SIL1: variants seen among roughly 807,000 people sequenced by gnomAD.
SIL1 encodes nucleotide exchange factor SIL1.
A neutral mutation model predicts 49.1 loss-of-function variants in SIL1; 40 were observed. The ratio of observed to expected loss-of-function variants is 0.81; its 90% CI spans 0.63 to 1.06. The LOEUF (loss-of-function observed/expected upper bound fraction) is 1.06, where lower values mean the gene tolerates loss of function less well. SIL1 is among the 50% of genes least tolerant of loss of function. The pLI is 0.00. For missense variants in SIL1, 500 were observed against 572.6 expected, an observed-to-expected ratio of 0.87 and a Z score of 1.29; for synonymous variants, 253 against 250.8, an observed-to-expected ratio of 1.01 and a Z score of -0.08.
At chr5:139,052,070 T>C (rs1266127290) in intron 3 of SIL1, among the ~76,000 whole-genome samples, 1 of 152,202 alleles carries the variant, frequency 6.6e-6, no homozygotes. Context: ...CCCAAATCAA[T>C]GACTTTCAGA....
At chr5:139,007,177 T>A (rs78553161) in intron 7 of SIL1, among the ~76,000 whole-genome samples, 53,009 of 136,486 alleles carry the variant, frequency 0.39, 10,510 homozygotes, top group African/African-American at 0.56. Flanking sequence ...GTCCTTCACA[T>A]CCCTTGTAAG....
chr5:139,011,275 AC>A (rs1270625380), intron 7 of SIL1, among the ~76,000 whole-genome samples: 3 of 150,584 alleles, frequency 2.0e-5, no homozygotes, highest in African/African-American at 7.4e-5. Flanking sequence ...GAACTCCCTG[AC>A]CCCTTGCGCT....
intron 7 of SIL1, among the ~76,000 whole-genome samples, chr5:139,002,956 A>G (rs893996100): frequency 1.3e-5 from 2 of 152,072 alleles, no homozygotes; most frequent in Non-Finnish European, 2.9e-5. Context: ...CTTCGGGAAG[A>G]GATTAAGAGC....
At chr5:139,036,386 C>T (rs550356322) in intron 5 of SIL1, among the ~76,000 whole-genome samples, 1 of 152,266 alleles carries the variant, frequency 6.6e-6, no homozygotes, top group African/African-American at 2.4e-5. Context: ...ATCCCAGCAA[C>T]ATTTATTGAA....
rs141707274 is a variant in SIL1, at chr5:139,179,655, G to A, written c.-11+18614C>T. ...ATAGTGACAGGTACTTTATAGACAG[G>A]GCTATTAATAAAAAACAAATGGGAA... On this transcript the variant is annotated intron_variant, in intron 1 of 9. Transcript: ENST00000394817. Among the ~76,000 whole-genome samples, 466 of 152,140 alleles carry A rather than the reference G, an allele frequency of 3.1e-3. 1 individual carries two copies. The highest frequency in any genetic ancestry group is 0.011 in the African/African-American group (446 of 41,492).
chr5:138,961,196 C>T (rs1303027340), intron 7 of SIL1, among the ~76,000 whole-genome samples: 2 of 152,130 alleles, frequency 1.3e-5, no homozygotes, highest in African/African-American at 4.8e-5. Context: ...AGAACAGTTG[C>T]CCATTGTGTC....
chr5:139,079,808 A>G (rs1228414766), intron 3 of SIL1, among the ~76,000 whole-genome samples: 1 of 152,224 alleles, frequency 6.6e-6, no homozygotes, highest in Admixed American at 6.5e-5. Context: ...GGTTTTCCCC[A>G]TTTCTGAGGT....
chr5:139,034,245 A>C (rs1316618450), intron 5 of SIL1, among the ~76,000 whole-genome samples: 1 of 152,140 alleles, frequency 6.6e-6, no homozygotes, highest in East Asian at 1.9e-4. Context: ...TTTGAAATTC[A>C]TTTAAAATTC....
chr5:139,024,253 T>C (rs577129368), intron 6 of SIL1, among the ~76,000 whole-genome samples: 7 of 152,368 alleles, frequency 4.6e-5, no homozygotes, highest in African/African-American at 1.7e-4. Flanking sequence ...TAACCCCTTA[T>C]ATCCTTAATC....
intron 6 of SIL1, among the ~76,000 whole-genome samples, chr5:139,025,489 C>T (rs1211938377): frequency 6.6e-6 from 1 of 152,176 alleles, no homozygotes; most frequent in African/African-American, 2.4e-5. Context: ...TGAAGCAGTG[C>T]CTGGTATATG....
intron 5 of SIL1, 56 bp from the exon 6 acceptor site, chr5:139,027,048 T>C: frequency 1.3e-6 from 2 of 1,571,112 alleles, no homozygotes; most frequent in African/African-American, 1.3e-5. Context: ...GCCCAAGATG[T>C]CTGTGGTCTA....
intron 3 of SIL1, among the ~76,000 whole-genome samples, chr5:139,090,573 A>G (rs1770321277): frequency 6.6e-6 from 1 of 152,196 alleles, no homozygotes; most frequent in Non-Finnish European, 1.5e-5. Context: ...TGCACACAGA[A>G]ATTTAATATA....
chr5:139,025,524 T>C (rs1768626330), intron 6 of SIL1, among the ~76,000 whole-genome samples: 1 of 152,196 alleles, frequency 6.6e-6, no homozygotes, highest in African/African-American at 2.4e-5. Context: ...ATATTAGTTA[T>C]TATAAGTCTG....
In SIL1 at chr5:139,181,365, G is replaced by A. The variant is rs552889155; in HGVS notation, c.-11+16904C>T. ...CCCCTGCTCTCCCAGGGATTTGGGG[G>A]AAATACTACCCAGCAAGCAATTTAT... On this transcript the variant is annotated intron_variant, in intron 1 of 9. Transcript: ENST00000394817. 2.6e-5 allele frequency among the ~76,000 whole-genome samples: 4 copies of A among 152,256 alleles called. No homozygotes were observed. The South Asian group carries it at 8.3e-4, about 32-fold the overall frequency.
chr5:138,968,554 T>A (rs1767203259), intron 7 of SIL1, among the ~76,000 whole-genome samples: 1 of 152,038 alleles, frequency 6.6e-6, no homozygotes, highest in Non-Finnish European at 1.5e-5. Context: ...AGAGAAACAC[T>A]CGCTGACCTC....
At chr5:139,175,541 A>G (rs1264458095) in intron 1 of SIL1, among the ~76,000 whole-genome samples, 1 of 152,264 alleles carries the variant, frequency 6.6e-6, no homozygotes, top group African/African-American at 2.4e-5. Context: ...GGCTTCACCA[A>G]ACATTTAAAG....
At chr5:138,996,740 G>A (rs533399626) in intron 7 of SIL1, among the ~76,000 whole-genome samples, 11 of 151,724 alleles carry the variant, frequency 7.3e-5, no homozygotes, top group South Asian at 4.2e-4. Flanking sequence ...GGATGGTCTC[G>A]GTCTCTTGAC....
chr5:139,121,058 T>G lies in SIL1; in HGVS notation c.221A>C (p.His74Pro), dbSNP rs1021668399. Reference sequence around the variant, plus strand: ...ACCTGGCTGAAGGGCCTGCCACTCATGCGTCGGGTGGAACACCTCCAGGAC... The same window carrying G: ...ACCTGGCTGAAGGGCCTGCCACTCAGGCGTCGGGTGGAACACCTCCAGGAC... ...AEVLEVFHPT[H>P]EWQALQPGQA... is the part of the protein sequence containing the mutation. The change falls in exon 3 of 10, where the codon CAT (histidine) becomes CCT (proline). Residue 74 changes from histidine to proline, a missense_variant. Physicochemically the swap from His to Pro is moderately conservative, Grantham distance 77. Coordinates refer to ENST00000394817, the MANE Select transcript of SIL1 (RefSeq NM_022464.5). 1.2e-6 allele frequency: 2 copies of G among 1,614,172 alleles called. No homozygotes were observed. The highest frequency in any genetic ancestry group is 8.5e-7 in the Non-Finnish European group (1 of 1,180,054).
rs1318737538 is a variant in SIL1 at position 138,947,534 on chromosome 5, G to A, written c.1030-61C>T. 1.4e-5 allele frequency: 21 copies of A among 1,476,262 alleles called. No individual in the cohort carries two copies. Among genetic ancestry groups the A allele is most frequent in the Non-Finnish European group, 2.0e-5 (21 of 1,055,696 alleles). The allele number at this position is 1,476,262 out of a possible 1,614,324, so 91.4% of individuals were successfully genotyped here. On this transcript the variant is annotated intron_variant, in intron 9 of 9. Transcript: ENST00000394817. The surrounding 1 kb of genome is among the most constrained non-coding windows in gnomAD (Gnocchi z 4.1). ...GGGGTGGGGAGAGAACACACAGGGA[G>A]CAGTTAGCTCACACCTGGCTAGCTC...
Sources: allele counts gnomAD v4.1 joint callset (sites outside exome capture counted in the v4.1 genomes callset), GRCh38; gene constraint gnomAD v4.1.1; non-coding constraint Gnocchi (gnomAD v3.1); transcripts MANE v1.5; gene names NCBI Gene and HGNC (gene_info 2026-07-23, HGNC 2026-07-21).